ATG7: variants seen among roughly 807,000 people sequenced by gnomAD.
ATG7 encodes the protein autophagy related 7.
In ATG7, 70 loss-of-function variants were observed where a neutral mutation model predicts 82.4. That is an observed-to-expected ratio of 0.85 (90% CI 0.70 to 1.04). The LOEUF (loss-of-function observed/expected upper bound fraction) is 1.04. Among genes scored for constraint, ATG7 ranks in the 50% least tolerant of loss-of-function variants. The pLI, the probability that ATG7 is intolerant of heterozygous loss-of-function variation, is 0.00. For missense variants in ATG7, 792 were observed against 864.3 expected, an observed-to-expected ratio of 0.92 and a Z score of 1.05; for synonymous variants, 287 against 313.0, an observed-to-expected ratio of 0.92 and a Z score of 0.88.
chr3:11,377,142 G>A (rs965997615), intron 18 of ATG7, among the ~76,000 whole-genome samples: 7 of 152,230 alleles, frequency 4.6e-5, no homozygotes, highest in African/African-American at 1.7e-4. Flanking sequence ...TTAGCTAGAA[G>A]GGAGGGAGCC....
intron 5 of ATG7, among the ~76,000 whole-genome samples, chr3:11,306,319 A>G (rs1947727542): frequency 1.3e-5 from 2 of 152,244 alleles, no homozygotes; most frequent in Non-Finnish European, 1.5e-5. Flanking sequence ...CAAGGAGCTT[A>G]GTGTCCTCCA....
intron 9 of ATG7, among the ~76,000 whole-genome samples, chr3:11,321,466 C>T (rs1040877320): frequency 6.6e-6 from 1 of 152,184 alleles, no homozygotes; most frequent in Non-Finnish European, 1.5e-5. Flanking sequence ...TATCACTTAT[C>T]CTTACATGCC....
intron 20 of ATG7, among the ~76,000 whole-genome samples, chr3:11,547,179 A>G (rs183228169): frequency 6.6e-6 from 1 of 152,234 alleles, no homozygotes; most frequent in Non-Finnish European, 1.5e-5. Context: ...AACAGGAAGT[A>G]GTGAGAGAAA....
chr3:11,404,224 C>A (rs1463104591), intron 19 of ATG7, among the ~76,000 whole-genome samples: 1 of 145,332 alleles, frequency 6.9e-6, no homozygotes, highest in Non-Finnish European at 1.5e-5. Context: ...CAACCTCCAT[C>A]TCCCGGGTTC....
chr3:11,544,894 G>A (rs1406666487), intron 20 of ATG7, among the ~76,000 whole-genome samples: 2 of 152,196 alleles, frequency 1.3e-5, no homozygotes, highest in Non-Finnish European at 2.9e-5. Flanking sequence ...CTACCCTCAC[G>A]CAGCACGCAG....
In ATG7 at chr3:11,511,615, C is replaced by T. The variant is rs184756491; in HGVS notation, c.2080-43196C>T. Among the ~76,000 whole-genome samples, 504 of 152,304 alleles carry T rather than the reference C, an allele frequency of 3.3e-3. 6 individuals carry two copies. The highest frequency in any genetic ancestry group is 0.016 in the South Asian group (75 of 4,830). On this transcript the variant is annotated intron_variant, in intron 20 of 20. Transcript: ENST00000693202. ...GCGCTCACACTCCTCAGCCCTTGGG[C>T]GGTCGATGGGACTGGGCGCCGTGAG...
intron 19 of ATG7, among the ~76,000 whole-genome samples, chr3:11,404,268 T>A (rs2080122449): frequency 6.6e-6 from 1 of 151,636 alleles, no homozygotes. Context: ...CCCGAGTAGC[T>A]GGGATTACAG....
At chr3:11,383,535 G>A (rs1349662414) in intron 19 of ATG7, among the ~76,000 whole-genome samples, 2 of 152,040 alleles carry the variant, frequency 1.3e-5, no homozygotes, top group South Asian at 2.1e-4. Flanking sequence ...ACCTCCGCCT[G>A]CCTCCCAGGT....
chr3:11,573,316 G>GAAGA, the ATG7 span, among the ~76,000 whole-genome samples: 17 of 20,742 alleles, frequency 8.2e-4, no homozygotes, highest in South Asian at 3.5e-3. Context: ...AGGAAGGAAG[G>GAAGA]AAGAAAGAAA....
chr3:11,307,006 C>A lies in ATG7; in HGVS notation c.279C>A (p.Leu93=). The change falls in exon 6 of 21, where the codon CTC becomes CTA. Residue 93 remains leucine (L), a synonymous_variant. Transcript: ENST00000693202. ...GAACACTGTATAACACCAACACACT[C>A]GAGTCTTTCAAGACTGCAGATAAGA... ...AIGTLYNTNT[L]ESFKTADKKL... 1 of 1,614,016 alleles carries A rather than the reference C, an allele frequency of 6.2e-7. No individual in the cohort carries two copies. The highest frequency in any genetic ancestry group is 8.5e-7 in the Non-Finnish European group (1 of 1,180,008).
At chr3:11,534,084 C>A (rs965412404) in intron 20 of ATG7, among the ~76,000 whole-genome samples, 2 of 152,240 alleles carry the variant, frequency 1.3e-5, no homozygotes, top group East Asian at 1.9e-4. Context: ...TCCTCCCCCC[C>A]CAGGGGAAAG....
Position 11,333,041 on chromosome 3 carries a change from T to C in ATG7, c.837T>C (p.Val279=), listed in dbSNP as rs1470313847. The change falls in exon 11 of 21, where the codon GTT becomes GTC. Residue 279 remains valine (V), a synonymous_variant. Coordinates refer to ENST00000693202, the MANE Select transcript of ATG7 (RefSeq NM_001349232.2). ...GTACCATGCAGGGGGCGAGAGACGT[T>C]GCCCACAGCATCATCTTCGAAGTGA... ...RDRTMQGARD[V]AHSIIFEVKL... The C allele has an allele frequency of 6.4e-7, 1 of 1,573,064 alleles. No homozygotes were observed. The highest frequency in any genetic ancestry group is 8.6e-7 in the Non-Finnish European group (1 of 1,159,320).
At chr3:11,515,038 A>G (rs889417046) in intron 20 of ATG7, among the ~76,000 whole-genome samples, 3 of 151,822 alleles carry the variant, frequency 2.0e-5, no homozygotes, top group African/African-American at 4.8e-5. Context: ...ACAGGGTTTC[A>G]CCATGTTGGT....
At chr3:11,276,310 G>A (rs900032342) in intron 1 of ATG7, among the ~76,000 whole-genome samples, 1 of 152,138 alleles carries the variant, frequency 6.6e-6, no homozygotes, top group African/African-American at 2.4e-5. Flanking sequence ...TTAAGACTAA[G>A]TCCTCTATTT....
At chr3:11,506,554 C>CAAAAAAAAAAA (rs754696496) in intron 20 of ATG7, among the ~76,000 whole-genome samples, 2 of 24,920 alleles carry the variant, frequency 8.0e-5, no homozygotes, top group Non-Finnish European at 8.1e-5. Flanking sequence ...CCCATCTCTA[C>CAAAAAAAAAAA]AAAAAAAAAA....
intron 20 of ATG7, among the ~76,000 whole-genome samples, chr3:11,435,206 C>T (rs2083264339): frequency 2.0e-5 from 3 of 152,072 alleles, no homozygotes; most frequent in Admixed American, 6.6e-5. Context: ...TTGCCAGAAA[C>T]AACTTTTTGC....
At chr3:11,407,979 AACT>A (rs544129462) in intron 19 of ATG7, among the ~76,000 whole-genome samples, 5 of 152,364 alleles carry the variant, frequency 3.3e-5, no homozygotes, top group Admixed American at 3.3e-4. Flanking sequence ...TACTTAAGCA[AACT>A]TCTGCAGCTG....
At chr3:11,478,458 A>G (rs2088520666) in intron 20 of ATG7, among the ~76,000 whole-genome samples, 1 of 152,236 alleles carries the variant, frequency 6.6e-6, no homozygotes, top group Admixed American at 6.5e-5. Flanking sequence ...GATGCCTGCT[A>G]TGATGATGTG....
chr3:11,280,425 A>C (rs1942843639), intron 1 of ATG7, among the ~76,000 whole-genome samples: 2 of 152,218 alleles, frequency 1.3e-5, no homozygotes, highest in South Asian at 4.1e-4. Context: ...TGACTTGTCC[A>C]AGGTGGTGTG....
Sources: allele counts gnomAD v4.1 joint callset (sites outside exome capture counted in the v4.1 genomes callset), GRCh38; gene constraint gnomAD v4.1.1; transcripts MANE v1.5; gene names NCBI Gene and HGNC (gene_info 2026-07-23, HGNC 2026-07-21).